Variants in LIMS1 observed in about 807,000 individuals in gnomAD.
LIMS1 encodes LIM zinc finger domain containing 1.
Under a neutral mutation model 44.1 loss-of-function variants are expected in LIMS1, and 18 were observed. The observed-to-expected ratio is 0.41, with a 90% confidence interval of 0.28 to 0.61. The LOEUF (loss-of-function observed/expected upper bound fraction) is 0.61. Ranked by LOEUF, LIMS1 falls within the 20% of genes least tolerant of loss-of-function variation. LIMS1 has a pLI of 0.32. For missense variants in LIMS1, 201 were observed against 422.0 expected, an observed-to-expected ratio of 0.48 and a Z score of 4.59; for synonymous variants, 93 against 149.1, an observed-to-expected ratio of 0.62 and a Z score of 2.74.
chr2:108,584,816 G>C (rs1470138307), intron 1 of LIMS1, among the ~76,000 whole-genome samples: 1 of 152,032 alleles, frequency 6.6e-6, no homozygotes, highest in Non-Finnish European at 1.5e-5. Flanking sequence ...TGTAAAGTGA[G>C]CGGCAGGAAG....
At chr2:108,545,436 T>C (rs1684452486) in intron 1 of LIMS1, among the ~76,000 whole-genome samples, 4 of 152,308 alleles carry the variant, frequency 2.6e-5, no homozygotes, top group African/African-American at 2.4e-5. Flanking sequence ...GGTTTCACCA[T>C]GTTGGCCTGG....
intron 1 of LIMS1, among the ~76,000 whole-genome samples, chr2:108,584,111 T>TTGTA (rs1685999664): frequency 6.6e-6 from 1 of 152,090 alleles, no homozygotes; most frequent in Non-Finnish European, 1.5e-5. Flanking sequence ...TAACCCAGGG[T>TTGTA]TGTAGCTCCA....
At chr2:108,624,781 A>G (rs966047338) in intron 1 of LIMS1, among the ~76,000 whole-genome samples, 1 of 149,092 alleles carries the variant, frequency 6.7e-6, no homozygotes, top group East Asian at 2.0e-4. Flanking sequence ...AATAAATAAC[A>G]ATATAGGGGC....
At chr2:108,581,440 G>T (rs1031887214) in intron 1 of LIMS1, among the ~76,000 whole-genome samples, 2 of 152,088 alleles carry the variant, frequency 1.3e-5, no homozygotes, top group African/African-American at 4.8e-5. Flanking sequence ...TTTTGTCATT[G>T]GGACACTAAA....
intron 1 of LIMS1, among the ~76,000 whole-genome samples, chr2:108,568,421 T>G (rs145101324): frequency 8.5e-4 from 129 of 152,366 alleles, no homozygotes; most frequent in Non-Finnish European, 1.6e-3. Context: ...TTTATTTATC[T>G]ATTAATCTGT....
chr2:108,600,174 C>A (rs1204393088), intron 1 of LIMS1, among the ~76,000 whole-genome samples: 1 of 151,044 alleles, frequency 6.6e-6, no homozygotes, highest in East Asian at 2.0e-4. Flanking sequence ...CCCAGCCTAC[C>A]GAGTAGCTGG....
chr2:108,585,521 G>A (rs1388194414), intron 1 of LIMS1, among the ~76,000 whole-genome samples: 7 of 152,248 alleles, frequency 4.6e-5, no homozygotes, highest in Admixed American at 1.3e-4. Context: ...GTATGATTGC[G>A]AAGTTTAAGA....
At chr2:108,599,796 C>T (rs1686903725) in intron 1 of LIMS1, among the ~76,000 whole-genome samples, 1 of 151,980 alleles carries the variant, frequency 6.6e-6, no homozygotes, top group South Asian at 2.1e-4. Context: ...AGTACCTTTT[C>T]ATAGGCCTGT....
intron 1 of LIMS1, among the ~76,000 whole-genome samples, chr2:108,650,704 G>A (rs1046100288): frequency 7.2e-5 from 11 of 152,188 alleles, no homozygotes; most frequent in Non-Finnish European, 1.3e-4. Context: ...GGGATTACAG[G>A]CGTGAGCCAC....
At chr2:108,580,071 C>T (rs951601252) in intron 1 of LIMS1, among the ~76,000 whole-genome samples, 1 of 152,168 alleles carries the variant, frequency 6.6e-6, no homozygotes. Flanking sequence ...CAGGAATAGA[C>T]TCAGGCAAAC....
chr2:108,642,335 G>GTTTTTTTTTTTTTTTTTTTTTTTTT (rs1332814174), intron 1 of LIMS1, among the ~76,000 whole-genome samples: 1 of 34,146 alleles, frequency 2.9e-5, no homozygotes, highest in African/African-American at 9.7e-5. Flanking sequence ...AGCTACTAGT[G>GTTTTTTTTTTTTTTTTTTTTTTTTT]TTTTTTGTTT....
At chr2:108,623,691 A>G (rs1292465311) in intron 1 of LIMS1, among the ~76,000 whole-genome samples, 2 of 152,228 alleles carry the variant, frequency 1.3e-5, no homozygotes, top group Non-Finnish European at 2.9e-5. Context: ...TTGATTTTGA[A>G]TACCTGTGCT....
chr2:108,668,321 G>A (rs1447427890), intron 2 of LIMS1, among the ~76,000 whole-genome samples: 2 of 151,034 alleles, frequency 1.3e-5, no homozygotes, highest in South Asian at 2.1e-4. Context: ...GAACTTATTC[G>A]TCCTAACTGT....
intron 1 of LIMS1, among the ~76,000 whole-genome samples, chr2:108,588,789 C>A (rs945809544): frequency 3.3e-5 from 5 of 152,132 alleles, no homozygotes; most frequent in African/African-American, 1.2e-4. Context: ...CTCCCTGCTG[C>A]AGAGGTTATG....
intron 1 of LIMS1, among the ~76,000 whole-genome samples, chr2:108,591,469 A>G (rs1686388780): frequency 6.6e-6 from 1 of 152,052 alleles, no homozygotes; most frequent in African/African-American, 2.4e-5. Flanking sequence ...TTAAAAAAAA[A>G]TTGATTGATT....
At chr2:108,660,331 T>C (rs1469548056) in intron 2 of LIMS1, 1 of 466,490 alleles carries the variant, frequency 2.1e-6, no homozygotes. Context: ...CTTTTCTAAA[T>C]ATTTGTTTTT....
chr2:108,657,778 A>G (rs1360513450), intron 1 of LIMS1: 5 of 152,398 alleles, frequency 3.3e-5, no homozygotes, highest in African/African-American at 4.8e-5. Context: ...CAAACCTGTT[A>G]AATAAAGTTG....
chr2:108,573,605 G>T (rs1486065840), intron 1 of LIMS1, among the ~76,000 whole-genome samples: 1 of 152,188 alleles, frequency 6.6e-6, no homozygotes, highest in Non-Finnish European at 1.5e-5. Flanking sequence ...GCCTGGTAGA[G>T]ACCAGGTGTA....
chr2:108,583,243 A>G (rs1042093651), intron 1 of LIMS1, among the ~76,000 whole-genome samples: 5 of 148,330 alleles, frequency 3.4e-5, no homozygotes, highest in African/African-American at 1.2e-4. Flanking sequence ...GGGTCTCACC[A>G]TGTTAGGCAG....
Sources: allele counts gnomAD v4.1 joint callset (sites outside exome capture counted in the v4.1 genomes callset), GRCh38; gene constraint gnomAD v4.1.1; transcripts MANE v1.5; gene names NCBI Gene and HGNC (gene_info 2026-07-23, HGNC 2026-07-21).